The following SH3RF3 variants were observed in gnomAD, a reference collection of about 807,000 sequenced individuals.
SH3RF3 encodes the protein SH3 domain containing ring finger 3, also known as E3 ubiquitin-protein ligase SH3RF3.
In SH3RF3, 29 loss-of-function variants were observed where a neutral mutation model predicts 66.3. The ratio of observed to expected loss-of-function variants is 0.44; its 90% CI spans 0.33 to 0.60. The LOEUF (loss-of-function observed/expected upper bound fraction) is 0.60. Among genes scored for constraint, SH3RF3 ranks in the 20% least tolerant of loss-of-function variants. SH3RF3 has a pLI of 0.04. For missense variants in SH3RF3, 1,194 were observed against 1,190.9 expected (o/e 1.00, Z -0.04); for synonymous variants, 583 against 532.0 (o/e 1.10, Z -1.32).
intron 1 of SH3RF3, among the ~76,000 whole-genome samples, chr2:109,187,142 C>G (rs1019559578): frequency 2.0e-5 from 3 of 149,830 alleles, no homozygotes; most frequent in Non-Finnish European, 4.5e-5. Flanking sequence ...ACACAGGACT[C>G]TGTCCCCACG....
chr2:109,460,254 T>G (rs1046812100), intron 8 of SH3RF3, among the ~76,000 whole-genome samples: 1 of 152,096 alleles, frequency 6.6e-6, no homozygotes, highest in Non-Finnish European at 1.5e-5. Context: ...CAAATCCATA[T>G]CTAGAGTGAA....
At chr2:109,192,054 G>GTCTACCTGCACCT (rs1678379822) in intron 1 of SH3RF3, among the ~76,000 whole-genome samples, 1 of 152,054 alleles carries the variant, frequency 6.6e-6, no homozygotes, top group Non-Finnish European at 1.5e-5. Context: ...CATTGAATTT[G>GTCTACCTGCACCT]TCTACCTGCA....
At chr2:109,220,416 A>G (rs1333100377) in intron 1 of SH3RF3, among the ~76,000 whole-genome samples, 1 of 152,238 alleles carries the variant, frequency 6.6e-6, no homozygotes, top group Non-Finnish European at 1.5e-5. Context: ...CAAGAAAAAA[A>G]TACATAATTT....
intron 3 of SH3RF3, among the ~76,000 whole-genome samples, chr2:109,394,237 C>CAA (rs1676081252): frequency 6.6e-6 from 1 of 152,172 alleles, no homozygotes; most frequent in Non-Finnish European, 1.5e-5. Context: ...GCTGGGGAGA[C>CAA]AAAGTGTTGG....
At chr2:109,458,525 G>T (rs978669557) in intron 8 of SH3RF3, among the ~76,000 whole-genome samples, 1 of 140,684 alleles carries the variant, frequency 7.1e-6, no homozygotes, top group Non-Finnish European at 1.5e-5. Context: ...ATTAATTATT[G>T]GTTTGTATCA....
intron 2 of SH3RF3, among the ~76,000 whole-genome samples, chr2:109,360,393 G>C (rs1683030615): frequency 1.3e-5 from 2 of 152,110 alleles, no homozygotes; most frequent in South Asian, 4.1e-4. Flanking sequence ...TTTGCTTTTT[G>C]TAGGCTCGAT....
At chr2:109,163,359 G>A (rs1677535211) in intron 1 of SH3RF3, among the ~76,000 whole-genome samples, 2 of 139,144 alleles carry the variant, frequency 1.4e-5, no homozygotes, top group Admixed American at 1.4e-4. Context: ...GCGGACTGGA[G>A]TTCTCAATAG....
chr2:109,449,111 A>C (rs1677790862), intron 7 of SH3RF3, 59 bp from the exon 8 acceptor site: 1 of 1,540,834 alleles, frequency 6.5e-7, no homozygotes. Flanking sequence ...GCTGCCTGGC[A>C]GGCATGGCAA....
chr2:109,335,456 G>A (rs1229107035), intron 1 of SH3RF3, among the ~76,000 whole-genome samples: 1 of 152,158 alleles, frequency 6.6e-6, no homozygotes, highest in African/African-American at 2.4e-5. Context: ...CTGCCCCTCA[G>A]GGCTGGGACA....
At chr2:109,268,323 T>A (rs568612400) in intron 1 of SH3RF3, among the ~76,000 whole-genome samples, 277 of 151,594 alleles carry the variant, frequency 1.8e-3, no homozygotes, top group African/African-American at 6.3e-3. Context: ...GAAGACCCCC[T>A]CACCCACAAG....
rs1452644448 is a variant in SH3RF3 at position 109,449,241 on chromosome 2, C to G, written c.1900C>G (p.Pro634Ala). The G allele has an allele frequency of 1.3e-5, 21 of 1,612,970 alleles. No homozygotes were observed. The highest frequency in any genetic ancestry group is 1.6e-5 in the Non-Finnish European group (19 of 1,179,654). ...TVSPLRTQNS[P>A]SRLPATSLRP... ...GTCACCCCTGCGCACCCAGAACTCT[C>G]CATCCCGCCTGCCTGCCACCAGCCT... is the stretch of plus-strand genomic sequence containing the variant. The change falls in exon 8 of 10, where the codon CCA becomes GCA. Residue 634 changes from proline to alanine, a missense_variant. Coordinates refer to ENST00000309415, the MANE Select transcript of SH3RF3 (RefSeq NM_001099289.3).
chr2:109,323,715 C>T (rs556222523), intron 1 of SH3RF3, among the ~76,000 whole-genome samples: 13 of 152,326 alleles, frequency 8.5e-5, no homozygotes, highest in African/African-American at 2.2e-4. Context: ...CCTGCTCTTC[C>T]ACCCTCCTGT....
chr2:109,323,832 CT>C (rs1212795889), intron 1 of SH3RF3, among the ~76,000 whole-genome samples: 1 of 152,164 alleles, frequency 6.6e-6, no homozygotes, highest in Non-Finnish European at 1.5e-5. Context: ...AATCTTTTAG[CT>C]TTTCTTATGT....
At chr2:109,251,961 T>C (rs929010125) in intron 1 of SH3RF3, among the ~76,000 whole-genome samples, 1 of 152,126 alleles carries the variant, frequency 6.6e-6, no homozygotes, top group Non-Finnish European at 1.5e-5. Context: ...ATAAAACTTT[T>C]ACTGAACACA....
intron 1 of SH3RF3, among the ~76,000 whole-genome samples, chr2:109,315,806 G>A (rs17035419): frequency 0.31 from 47,385 of 151,934 alleles, 9,145 homozygotes; most frequent in African/African-American, 0.55. Flanking sequence ...TGGAAGGGAC[G>A]TCGTCGCTTT....
chr2:109,426,255 C>T (rs1677026312), intron 5 of SH3RF3, among the ~76,000 whole-genome samples: 1 of 152,328 alleles, frequency 6.6e-6, no homozygotes, highest in East Asian at 1.9e-4. Context: ...GGTGATTCCT[C>T]TCATGGATCT....
intron 1 of SH3RF3, among the ~76,000 whole-genome samples, chr2:109,314,524 A>T (rs1681824365): frequency 6.6e-6 from 1 of 152,200 alleles, no homozygotes; most frequent in Non-Finnish European, 1.5e-5. Context: ...GAATTTCTCT[A>T]CCATATGAAT....
chr2:109,222,282 C>T (rs545989288), intron 1 of SH3RF3, among the ~76,000 whole-genome samples: 256 of 152,282 alleles, frequency 1.7e-3, no homozygotes, highest in African/African-American at 5.0e-3. Context: ...TTTGATAGTA[C>T]AGCAGGGTGA....
At chr2:109,166,194 G>T (rs1490489587) in intron 1 of SH3RF3, among the ~76,000 whole-genome samples, 1 of 152,032 alleles carries the variant, frequency 6.6e-6, no homozygotes, top group Admixed American at 6.6e-5. Context: ...AAGGAAAGAT[G>T]CAGGCCAGGC....
Sources: allele counts gnomAD v4.1 joint callset (sites outside exome capture counted in the v4.1 genomes callset), GRCh38; gene constraint gnomAD v4.1.1; transcripts MANE v1.5; gene names NCBI Gene and HGNC (gene_info 2026-07-23, HGNC 2026-07-21).